Variants in KDM4C observed in about 807,000 individuals in gnomAD.
The protein encoded by KDM4C is lysine-specific demethylase 4C.
KDM4C carries 81 observed loss-of-function variants against 129.3 expected under a neutral mutation model. The ratio of observed to expected loss-of-function variants is 0.63; its 90% CI spans 0.52 to 0.75. The LOEUF (loss-of-function observed/expected upper bound fraction) is 0.75, where lower values mean the gene tolerates loss of function less well. KDM4C is among the 30% of genes least tolerant of loss of function. The pLI is 0.00. For missense variants in KDM4C, 1,457 were observed against 1,304.0 expected (o/e 1.12, Z -1.81); for synonymous variants, 573 against 456.1 (o/e 1.26, Z -3.26).
intron 19 of KDM4C, among the ~76,000 whole-genome samples, chr9:7,135,046 T>C (rs907450064): frequency 6.6e-6 from 1 of 152,202 alleles, no homozygotes; most frequent in Non-Finnish European, 1.5e-5. Flanking sequence ...AGGAATGAAA[T>C]GTTGAAGCCT....
intron 12 of KDM4C, among the ~76,000 whole-genome samples, chr9:7,002,610 C>G (rs891104658): frequency 5.3e-5 from 8 of 152,252 alleles, no homozygotes; most frequent in African/African-American, 1.9e-4. Flanking sequence ...AAGGATATGC[C>G]AGCTTTCTTT....
intron 1 of KDM4C, among the ~76,000 whole-genome samples, chr9:6,775,906 T>C (rs568113344): frequency 6.6e-6 from 1 of 152,318 alleles, no homozygotes; most frequent in South Asian, 2.1e-4. Context: ...TTTAACAGCA[T>C]CTACCCATTA....
At chr9:7,028,607 G>C (rs920626264) in intron 15 of KDM4C, among the ~76,000 whole-genome samples, 2 of 152,002 alleles carry the variant, frequency 1.3e-5, no homozygotes, top group African/African-American at 2.4e-5. Context: ...TCAGTAAGTT[G>C]AATGTCCAGT....
rs1824380973 is a variant in KDM4C at position 7,019,736 on chromosome 9, A to AATTT, written c.2259+3808_2259+3809insTTTA. Among the ~76,000 whole-genome samples, 15 of 117,456 alleles carry AATTT rather than the reference A, an allele frequency of 1.3e-4. No homozygotes were observed. In the Admixed American group the frequency reaches 1.4e-3, roughly 11 times the overall value. 77.1% of individuals were successfully genotyped at this position (117,456 alleles called of 152,430 possible). A position where few individuals can be genotyped will look rare whatever the true frequency, so the allele number is the denominator to read the frequency against. ...ATAAAAATATAATATTTTTATATAT[A>AATTT]AAAATATAATATTTTTATATATAAA... is the stretch of plus-strand genomic sequence containing the variant. On this transcript the variant is annotated intron_variant, in intron 15 of 21. Transcript: ENST00000381309.
chr9:6,832,494 C>T (rs1195522376), intron 4 of KDM4C, among the ~76,000 whole-genome samples: 7 of 138,846 alleles, frequency 5.0e-5, no homozygotes, highest in Non-Finnish European at 9.2e-5. Context: ...GGTGCAATCT[C>T]AGCTCACTGC....
At chr9:7,063,377 T>G (rs1831984154) in intron 17 of KDM4C, among the ~76,000 whole-genome samples, 2 of 152,168 alleles carry the variant, frequency 1.3e-5, no homozygotes, top group Non-Finnish European at 2.9e-5. Context: ...AACAAAGAGG[T>G]AAATTCATTG....
rs956302497 is a variant in KDM4C at position 7,059,354 on chromosome 9, C to T, written c.2424+10154C>T. Among the ~76,000 whole-genome samples, 25 of 152,264 alleles carry T rather than the reference C, an allele frequency of 1.6e-4. No homozygotes were observed. In the South Asian group the frequency reaches 3.5e-3, roughly 21 times the overall value. ...CTGGGTTCAAGCAGTCCTCCCGCCTCGACCTCCCGAGTAGCTGGGATTACA... is the reference window on the plus strand; with the variant it reads ...CTGGGTTCAAGCAGTCCTCCCGCCTTGACCTCCCGAGTAGCTGGGATTACA... On this transcript the variant is annotated intron_variant, in intron 17 of 21. Coordinates refer to ENST00000381309, the MANE Select transcript of KDM4C (RefSeq NM_015061.6).
rs377187050 is a variant in KDM4C, at chr9:6,958,687, A to ATTTTTTTTTTTTTT, written c.922-22236_922-22223dup. Among the ~76,000 whole-genome samples the ATTTTTTTTTTTTTT allele has an allele frequency of 6.2e-3, 843 of 136,036 alleles. 11 individuals carry two copies. The highest frequency in any genetic ancestry group is 7.9e-3 in the African/African-American group (272 of 34,530). The allele number at this position is 136,036 out of a possible 152,430, so 89.2% of individuals were successfully genotyped here. A position where few individuals can be genotyped will look rare whatever the true frequency, so the allele number is the denominator to read the frequency against. On this transcript the variant is annotated intron_variant, in intron 8 of 21. Transcript: ENST00000381309. The stretch of plus-strand genomic sequence containing the variant: ...AATACATTATGCCTTTCTTTATATG[A>ATTTTTTTTTTTTTT]TTTTTTTTTTTTTTTGGGACAGGGT...
chr9:6,912,102 C>T (rs559794476), intron 8 of KDM4C, among the ~76,000 whole-genome samples: 5 of 152,330 alleles, frequency 3.3e-5, no homozygotes, highest in Admixed American at 3.3e-4. Context: ...AAGAGGTTTT[C>T]TCAAGGTGCA....
At chr9:6,949,320 C>G (rs549982714) in intron 8 of KDM4C, among the ~76,000 whole-genome samples, 1 of 151,844 alleles carries the variant, frequency 6.6e-6, no homozygotes, top group East Asian at 1.9e-4. Context: ...TCCTCATTTC[C>G]TAGACGGGAT....
At chr9:7,171,868 C>G (rs1844998022) in intron 21 of KDM4C, among the ~76,000 whole-genome samples, 1 of 151,892 alleles carries the variant, frequency 6.6e-6, no homozygotes, top group Admixed American at 6.6e-5. Flanking sequence ...ATATGTAAAT[C>G]ACATCCATAC....
chr9:6,928,406 G>C (rs1259306219), intron 8 of KDM4C, among the ~76,000 whole-genome samples: 4 of 152,172 alleles, frequency 2.6e-5, no homozygotes, highest in African/African-American at 9.7e-5. Flanking sequence ...GTTTGTGCAT[G>C]TATCTCTTGT....
At chr9:6,778,757 ACT>A (rs1823649234) in intron 1 of KDM4C, among the ~76,000 whole-genome samples, 1 of 149,304 alleles carries the variant, frequency 6.7e-6, no homozygotes, top group African/African-American at 2.5e-5. Flanking sequence ...ACAGAGCAAG[ACT>A]CTGTGTCACA....
chr9:6,763,999 TC>T (rs1357162554), intron 1 of KDM4C, among the ~76,000 whole-genome samples: 11 of 152,306 alleles, frequency 7.2e-5, no homozygotes, highest in Admixed American at 5.2e-4. Flanking sequence ...CCTCAGGTGA[TC>T]CATCCGCCTC....
intron 1 of KDM4C, among the ~76,000 whole-genome samples, chr9:6,739,154 C>A (rs1440605901): frequency 6.6e-6 from 1 of 152,108 alleles, no homozygotes; most frequent in Non-Finnish European, 1.5e-5. Context: ...CTCACTGCAA[C>A]CTCTGCCTCC....
At chr9:6,767,434 C>T (rs1272668581) in intron 1 of KDM4C, among the ~76,000 whole-genome samples, 1 of 151,048 alleles carries the variant, frequency 6.6e-6, no homozygotes, top group Non-Finnish European at 1.5e-5. Flanking sequence ...AGCCACCATG[C>T]ACGGCCCCCT....
intron 13 of KDM4C, 72 bp downstream of exon 13, chr9:7,011,951 G>T: frequency 7.8e-7 from 1 of 1,286,076 alleles, no homozygotes; most frequent in Non-Finnish European, 1.1e-6. Flanking sequence ...CAAGATCACT[G>T]TAAATTGTTG....
intron 20 of KDM4C, among the ~76,000 whole-genome samples, chr9:7,169,075 A>G (rs929047959): frequency 2.0e-5 from 3 of 150,508 alleles, no homozygotes; most frequent in African/African-American, 7.3e-5. Context: ...AAAAGGAAAT[A>G]TATTATCTTT....
chr9:6,755,039 A>C (rs558820793), upstream of KDM4C, among the ~76,000 whole-genome samples: 1 of 151,608 alleles, frequency 6.6e-6, no homozygotes, highest in South Asian at 2.1e-4. Flanking sequence ...GGAGTTTGAG[A>C]CCCGCCTGGC....
Sources: gnomAD v4.1 joint callset for allele counts (sites outside exome capture counted in the v4.1 genomes callset) on GRCh38, gnomAD v4.1.1 for gene constraint, MANE v1.5 for transcripts, NCBI Gene and HGNC (gene_info 2026-07-23, HGNC 2026-07-21) for gene names.